CPPED1: variants seen among roughly 807,000 people sequenced by gnomAD.
CPPED1 encodes calcineurin like phosphoesterase domain containing 1.
CPPED1 carries 28 observed loss-of-function variants against 28.0 expected under a neutral mutation model. The observed-to-expected ratio is 1.00, with a 90% CI of 0.74 to 1.37. The LOEUF (loss-of-function observed/expected upper bound fraction) is 1.37, where lower values mean the gene tolerates loss of function less well. Among genes scored for constraint, CPPED1 ranks in the 40% most tolerant of loss-of-function variants. The probability of loss-of-function intolerance (pLI) is 0.00; values close to 1 mark genes in which losing one functional copy is unlikely to be tolerated. For synonymous variants in CPPED1, 198 were observed against 180.2 expected (o/e 1.10, Z -0.79); for missense variants, 504 against 416.5 (o/e 1.21, Z -1.83).
chr16:12,707,076 C>T (rs999535976), intron 2 of CPPED1, among the ~76,000 whole-genome samples: 8 of 152,156 alleles, frequency 5.3e-5, no homozygotes, highest in African/African-American at 1.7e-4. Flanking sequence ...CTTACATGAT[C>T]CTCTCTAAGA....
chr16:12,767,995 T>C lies in CPPED1; in HGVS notation c.289+13190A>G, dbSNP rs533404873. Among the ~76,000 whole-genome samples, 19 of 152,244 alleles carry C rather than the reference T, an allele frequency of 1.2e-4. No homozygotes were observed. The South Asian group carries it at 3.9e-3, about 32-fold the overall frequency. ...AAAAAACCCCTGCCCTATTGGACACTGTATGACTTAGTGCCCCAGAAGGAA... is the reference window on the plus strand; with the variant it reads ...AAAAAACCCCTGCCCTATTGGACACCGTATGACTTAGTGCCCCAGAAGGAA... On this transcript the variant is annotated intron_variant, in intron 2 of 3. Transcript: ENST00000381774.
intron 2 of CPPED1, among the ~76,000 whole-genome samples, chr16:12,711,668 T>G (rs1462159349): frequency 6.6e-6 from 1 of 152,128 alleles, no homozygotes; most frequent in Non-Finnish European, 1.5e-5. Flanking sequence ...GGAGCCCCCA[T>G]GATGGTGCCC....
chr16:12,689,923 G>C (rs1485479791), intron 3 of CPPED1, among the ~76,000 whole-genome samples: 2 of 152,194 alleles, frequency 1.3e-5, no homozygotes, highest in Non-Finnish European at 2.9e-5. Flanking sequence ...GTCGACACTT[G>C]ATTACCTCTC....
intron 2 of CPPED1, among the ~76,000 whole-genome samples, chr16:12,735,441 A>C (rs762324188): frequency 1.8e-4 from 28 of 152,178 alleles, no homozygotes; most frequent in Non-Finnish European, 3.7e-4. Context: ...AGTAGATGGG[A>C]TTACAGGCGC....
rs895879827 is a variant in CPPED1 at position 12,661,425 on chromosome 16, G to A, written c.*3461C>T. ...TTTTCCCCATTCTCCCCAAACTTAGGAGAAACTTGACTAAAGATGTGAGAT... is the reference window on the plus strand; with the variant it reads ...TTTTCCCCATTCTCCCCAAACTTAGAAGAAACTTGACTAAAGATGTGAGAT... On this transcript the variant is annotated 3_prime_UTR_variant, in exon 4 of 4. Coordinates refer to ENST00000381774, the MANE Select transcript of CPPED1 (RefSeq NM_018340.3). 3 of 152,066 alleles carry A rather than the reference G, an allele frequency of 2.0e-5. No individual in the cohort carries two copies. Among genetic ancestry groups the A allele is most frequent in the African/African-American group, 7.2e-5 (3 of 41,392 alleles). 9.4% of individuals were successfully genotyped at this position (152,066 alleles called of 1,614,324 possible).
Position 12,663,486 on chromosome 16 carries a change from C to G in CPPED1, c.*1400G>C, listed in dbSNP as rs1461434963. The G allele has an allele frequency of 6.6e-6, 1 of 152,154 alleles. No individual in the cohort carries two copies. Among genetic ancestry groups the G allele is most frequent in the Non-Finnish European group, 1.5e-5 (1 of 68,020 alleles). 9.4% of individuals were successfully genotyped at this position (152,154 alleles called of 1,614,324 possible). ...AGCAAAACACTAAAAGAAGAGCGTT[C>G]TAGTTTTTTAAAAAATTTAATTTTC... is the stretch of plus-strand genomic sequence containing the variant. On this transcript the variant is annotated 3_prime_UTR_variant, in exon 4 of 4. Coordinates refer to ENST00000381774, the MANE Select transcript of CPPED1 (RefSeq NM_018340.3).
rs375704918 is a variant in CPPED1 at position 12,690,591 on chromosome 16, T to G, written c.715+14033A>C. On this transcript the variant is annotated intron_variant, in intron 3 of 3. Coordinates refer to ENST00000381774, the MANE Select transcript of CPPED1 (RefSeq NM_018340.3). ...AAGCACTTTGGGAGGCCGAGGTAGG[T>G]GGATTGCTTGAGCTCAGGAGTTCGA... 1.2e-4 allele frequency among the ~76,000 whole-genome samples: 17 copies of G among 140,222 alleles called. No homozygotes were observed. In the East Asian group the frequency reaches 3.2e-3, roughly 26 times the overall value. 92.0% of individuals were successfully genotyped at this position (140,222 alleles called of 152,430 possible). A position where few individuals can be genotyped will look rare whatever the true frequency, so the allele number is the denominator to read the frequency against.
intron 1 of CPPED1, among the ~76,000 whole-genome samples, chr16:12,798,734 C>T (rs180998472): frequency 2.0e-5 from 3 of 152,306 alleles, no homozygotes; most frequent in Admixed American, 6.5e-5. Context: ...TTATCTTGAT[C>T]TCTCTCCCTT....
At chr16:12,698,243 A>C (rs1459416865) in intron 3 of CPPED1, among the ~76,000 whole-genome samples, 2 of 152,184 alleles carry the variant, frequency 1.3e-5, no homozygotes, top group Non-Finnish European at 2.9e-5. Flanking sequence ...GGGGGCTACT[A>C]TATGACAGTC....
intron 3 of CPPED1, among the ~76,000 whole-genome samples, chr16:12,691,824 A>AG (rs376121866): frequency 1.4e-4 from 6 of 41,850 alleles, no homozygotes; most frequent in East Asian, 2.8e-3. Context: ...GGGTGGGGGG[A>AG]GGGGGGGAGG....
intron 2 of CPPED1, among the ~76,000 whole-genome samples, chr16:12,751,769 G>A (rs1210903551): frequency 1.3e-5 from 2 of 152,150 alleles, no homozygotes; most frequent in African/African-American, 4.8e-5. Flanking sequence ...TCTGAAGCTG[G>A]CTAGGGATGC....
At chr16:12,719,794 G>A (rs1322452850) in intron 2 of CPPED1, among the ~76,000 whole-genome samples, 1 of 152,000 alleles carries the variant, frequency 6.6e-6, no homozygotes, top group African/African-American at 2.4e-5. Flanking sequence ...AATTAGCCGG[G>A]CGTGGTGGCA....
chr16:12,704,930 C>A lies in CPPED1; in HGVS notation c.409G>T (p.Glu137Ter). The change falls in exon 3 of 4, where the codon GAG (glutamate) becomes TAG (stop). Residue 137 changes from glutamate (E) to a stop codon, truncating the protein, a stop_gained. Transcript: ENST00000381774. LOFTEE classifies it high-confidence loss of function. ...NHDIGNTPTA[E>*]TVEEFCRTWG... Reference sequence around the variant, plus strand: ...GTCCGGCAGAACTCCTCGACGGTCTCGGCCGTGGGGGTGTTGCCAATGTCA... The same window carrying A: ...GTCCGGCAGAACTCCTCGACGGTCTAGGCCGTGGGGGTGTTGCCAATGTCA... 2 of 1,614,142 alleles carry A rather than the reference C, an allele frequency of 1.2e-6. No individual in the cohort carries two copies. The highest frequency in any genetic ancestry group is 2.7e-5 in the African/African-American group (2 of 75,024).
chr16:12,674,245 G>A (rs1404123519), intron 3 of CPPED1, among the ~76,000 whole-genome samples: 8 of 152,168 alleles, frequency 5.3e-5, no homozygotes, highest in African/African-American at 1.9e-4. Context: ...GGCAGGGGAC[G>A]AAAGTCTGTC....
intron 2 of CPPED1, among the ~76,000 whole-genome samples, chr16:12,761,360 A>T (rs1567299757): frequency 6.6e-6 from 1 of 152,092 alleles, no homozygotes; most frequent in Non-Finnish European, 1.5e-5. Flanking sequence ...ATGGGCTGGA[A>T]GCACATGGTC....
intron 2 of CPPED1, among the ~76,000 whole-genome samples, chr16:12,725,245 C>T (rs2080163895): frequency 6.6e-6 from 1 of 152,142 alleles, no homozygotes; most frequent in Admixed American, 6.5e-5. Context: ...AGGCATGTGC[C>T]ACCACACCTG....
chr16:12,737,549 G>A (rs962321113), intron 2 of CPPED1, among the ~76,000 whole-genome samples: 1 of 152,130 alleles, frequency 6.6e-6, no homozygotes, highest in African/African-American at 2.4e-5. Context: ...AGCAGGCAAG[G>A]GCATACTCAG....
intron 3 of CPPED1, among the ~76,000 whole-genome samples, chr16:12,666,221 A>G (rs867129579): frequency 1.3e-5 from 2 of 152,232 alleles, no homozygotes; most frequent in Non-Finnish European, 2.9e-5. Context: ...TAGTGGATGA[A>G]ACGTAAAACA....
At chr16:12,712,623 G>C (rs2080086063) in intron 2 of CPPED1, among the ~76,000 whole-genome samples, 1 of 152,202 alleles carries the variant, frequency 6.6e-6, no homozygotes. Flanking sequence ...TCCGAATTTA[G>C]TGGCCACGGA....
Sources: gnomAD v4.1 joint callset for allele counts (sites outside exome capture counted in the v4.1 genomes callset) on GRCh38, gnomAD v4.1.1 for gene constraint, MANE v1.5 for transcripts, NCBI Gene and HGNC (gene_info 2026-07-23, HGNC 2026-07-21) for gene names.